RGS17: variants seen among roughly 807,000 people sequenced by gnomAD.
RGS17 encodes regulator of G-protein signaling 17.
Under a neutral mutation model 25.5 loss-of-function variants are expected in RGS17, and 12 were observed. The observed-to-expected ratio is 0.47, with a 90% CI of 0.30 to 0.76. RGS17 has a LOEUF of 0.76. Ranked by LOEUF, RGS17 falls within the 30% of genes least tolerant of loss-of-function variation. RGS17 has a pLI of 0.07. For missense variants in RGS17, 196 were observed against 242.2 expected, an observed-to-expected ratio of 0.81 and a Z score of 1.27; for synonymous variants, 71 against 76.9, an observed-to-expected ratio of 0.92 and a Z score of 0.40.
At chr6:153,106,587 A>C (rs1777388667) in intron 1 of RGS17, among the ~76,000 whole-genome samples, 1 of 151,946 alleles carries the variant, frequency 6.6e-6, no homozygotes, top group African/African-American at 2.4e-5. Flanking sequence ...CTGTTGATCA[A>C]CAATCCTGGA....
chr6:153,100,550 A>AAAGG (rs1777286024), intron 1 of RGS17, among the ~76,000 whole-genome samples: 1 of 152,204 alleles, frequency 6.6e-6, no homozygotes. Context: ...AAAAAGAAAA[A>AAAGG]AAAGGAAAGG....
In RGS17 at chr6:153,058,349, C is replaced by G. The variant is rs567089971; in HGVS notation, c.-25-14306G>C. On this transcript the variant is annotated intron_variant, in intron 1 of 4. Transcript: ENST00000206262. ...AGTTTTTGTATCCATTGGCTGGGAT[C>G]TTCCTATCTCAGGGTTCTACACAAA... Among the ~76,000 whole-genome samples the G allele has an allele frequency of 2.0e-5, 3 of 152,228 alleles. No homozygotes were observed. The East Asian group carries it at 5.8e-4, about 29-fold the overall frequency.
At chr6:153,045,286 G>A (rs1776373147) in intron 1 of RGS17, among the ~76,000 whole-genome samples, 1 of 152,206 alleles carries the variant, frequency 6.6e-6, no homozygotes, top group African/African-American at 2.4e-5. Flanking sequence ...GGTGTTAGAT[G>A]CTCCCCTAGG....
At chr6:153,064,569 G>T (rs970561180) in intron 1 of RGS17, among the ~76,000 whole-genome samples, 9 of 151,970 alleles carry the variant, frequency 5.9e-5, no homozygotes, top group Admixed American at 2.0e-4. Flanking sequence ...GGCAGAGCTT[G>T]CAGTGAGCTG....
At chr6:153,040,333 G>A (rs896797048) in intron 2 of RGS17, among the ~76,000 whole-genome samples, 1 of 152,176 alleles carries the variant, frequency 6.6e-6, no homozygotes, top group Admixed American at 6.5e-5. Flanking sequence ...CGCAAAAAAT[G>A]TGGTGGTAAT....
At chr6:153,081,480 T>C (rs1486328804) in intron 1 of RGS17, among the ~76,000 whole-genome samples, 1 of 149,872 alleles carries the variant, frequency 6.7e-6, no homozygotes, top group African/African-American at 2.5e-5. Flanking sequence ...GTGAGTATTT[T>C]TGTAGATCAT....
chr6:153,009,529 GCTAT>G lies in RGS17; in HGVS notation c.*2041_*2044del, dbSNP rs1779110715. 1.3e-5 allele frequency: 2 copies of G among 151,752 alleles called. No individual in the cohort carries two copies. Among genetic ancestry groups the G allele is most frequent in the Admixed American group, 1.3e-4 (2 of 15,246 alleles). The allele number at this position is 151,752 out of a possible 1,614,324, so 9.4% of individuals were successfully genotyped here. A position where few individuals can be genotyped will look rare whatever the true frequency, so the allele number is the denominator to read the frequency against. ...ATGACTTTTTGTAAACATCTTCATA[GCTAT>G]CTTTTTTTCAACATATTACTGAAAA... is the stretch of plus-strand genomic sequence containing the variant. On this transcript the variant is annotated 3_prime_UTR_variant, in exon 5 of 5. Coordinates refer to ENST00000206262, the MANE Select transcript of RGS17 (RefSeq NM_012419.5).
intron 1 of RGS17, among the ~76,000 whole-genome samples, chr6:153,057,841 G>A (rs1466313940): frequency 6.6e-6 from 1 of 152,080 alleles, no homozygotes; most frequent in Non-Finnish European, 1.5e-5. Context: ...TCCCTCACAT[G>A]TGCAGTTCAC....
chr6:153,055,853 T>C (rs1235647599), intron 1 of RGS17, among the ~76,000 whole-genome samples: 1 of 152,226 alleles, frequency 6.6e-6, no homozygotes. Context: ...TCCACAGTTT[T>C]ACTCTGTTAC....
Position 153,026,490 on chromosome 6 carries a change from G to C in RGS17, c.173C>G (p.Thr58Ser). Residue 58 changes from threonine (T) to serine (S), a missense_variant, in exon 3 of 5, where the codon ACT (threonine) becomes AGT (serine). Thr to Ser is a moderately conservative substitution (Grantham distance 58). Coordinates refer to ENST00000206262, the MANE Select transcript of RGS17 (RefSeq NM_012419.5). ...GACCTGGATACTCTCCATTTTTGTA[G>C]TGTGTGTGGGTCTTCCCGCATTTTC... Reference protein sequence around the residue: ...RGENAGRPTHTTKMESIQVLE... With the variant: ...RGENAGRPTHSTKMESIQVLE... The C allele has an allele frequency of 6.2e-7, 1 of 1,612,924 alleles. No homozygotes were observed. Among genetic ancestry groups the C allele is most frequent in the Non-Finnish European group, 8.5e-7 (1 of 1,179,190 alleles).
intron 1 of RGS17, among the ~76,000 whole-genome samples, chr6:153,061,562 AG>A (rs1216426623): frequency 6.6e-6 from 1 of 152,230 alleles, no homozygotes; most frequent in African/African-American, 2.4e-5. Context: ...AGGGTATTCC[AG>A]AGACTGTTTC....
chr6:153,038,775 G>C (rs1223469410), intron 2 of RGS17, among the ~76,000 whole-genome samples: 9 of 152,176 alleles, frequency 5.9e-5, no homozygotes, highest in East Asian at 3.9e-4. Flanking sequence ...CTTTGGCAGA[G>C]AGCGAAAGTG....
chr6:153,119,114 GCT>G (rs1449487728), intron 1 of RGS17, among the ~76,000 whole-genome samples: 3 of 152,046 alleles, frequency 2.0e-5, no homozygotes, highest in Non-Finnish European at 4.4e-5. Context: ...CCTGCTCTCT[GCT>G]CTCTCTCCTT....
chr6:153,075,220 G>C (rs1776861358), intron 1 of RGS17, among the ~76,000 whole-genome samples: 1 of 152,092 alleles, frequency 6.6e-6, no homozygotes, highest in Non-Finnish European at 1.5e-5. Flanking sequence ...ACTTGATAAA[G>C]GTAGAACACC....
chr6:153,087,815 T>C (rs583665), intron 1 of RGS17, among the ~76,000 whole-genome samples: 85,445 of 151,898 alleles, frequency 0.56, 24,221 homozygotes, highest in South Asian at 0.63. Flanking sequence ...TTCCAGGTGA[T>C]TATGTAAAGG....
At position 153,019,471 on chromosome 6, in the gene RGS17, A is replaced by G. The variant is rs530352618; in HGVS notation, c.444+4791T>C. Reference sequence around the variant, plus strand: ...TTGGATGTTTGTTCCCACCCTAATCACAGGTTGAAATGTAATCCCCAGTGT... The same window carrying G: ...TTGGATGTTTGTTCCCACCCTAATCGCAGGTTGAAATGTAATCCCCAGTGT... On this transcript the variant is annotated intron_variant, in intron 4 of 4. Coordinates refer to ENST00000206262, the MANE Select transcript of RGS17 (RefSeq NM_012419.5). Among the ~76,000 whole-genome samples the G allele has an allele frequency of 3.9e-5, 6 of 152,242 alleles. No individual in the cohort carries two copies. In the East Asian group the frequency reaches 1.2e-3, roughly 29 times the overall value.
intron 2 of RGS17, among the ~76,000 whole-genome samples, chr6:153,033,168 G>A (rs889257779): frequency 4.6e-5 from 7 of 151,892 alleles, no homozygotes; most frequent in African/African-American, 1.7e-4. Flanking sequence ...GAAAAGATGG[G>A]TATCAAAAAT....
At chr6:153,086,475 G>A (rs1008000731) in intron 1 of RGS17, among the ~76,000 whole-genome samples, 19 of 152,294 alleles carry the variant, frequency 1.2e-4, no homozygotes, top group East Asian at 7.7e-4. Flanking sequence ...CAAACACTTT[G>A]ATAGATAATA....
intron 1 of RGS17, among the ~76,000 whole-genome samples, chr6:153,119,763 G>A (rs1231904223): frequency 6.6e-6 from 1 of 152,196 alleles, no homozygotes; most frequent in East Asian, 1.9e-4. Flanking sequence ...TGATTCTAAT[G>A]CTATTCCTAA....
Sources: allele counts gnomAD v4.1 joint callset (sites outside exome capture counted in the v4.1 genomes callset), GRCh38; gene constraint gnomAD v4.1.1; transcripts MANE v1.5; gene names NCBI Gene and HGNC (gene_info 2026-07-23, HGNC 2026-07-21).